GALNT1: variants seen among roughly 807,000 people sequenced by gnomAD.
The protein encoded by GALNT1 is polypeptide N-acetylgalactosaminyltransferase 1.
In GALNT1, 17 loss-of-function variants were observed where a neutral mutation model predicts 65.7. That is an observed-to-expected ratio of 0.26 (90% CI 0.18 to 0.39). The LOEUF is 0.39. Ranked by LOEUF, GALNT1 falls within the 10% of genes least tolerant of loss-of-function variation. The probability of loss-of-function intolerance (pLI) is 1.00; values close to 1 mark genes in which losing one functional copy is unlikely to be tolerated. For synonymous variants in GALNT1, 210 were observed against 219.7 expected, an observed-to-expected ratio of 0.96 and a Z score of 0.39; for missense variants, 460 against 672.8, an observed-to-expected ratio of 0.68 and a Z score of 3.50.
chr18:35,674,789 C>G (rs888948417), intron 3 of GALNT1, among the ~76,000 whole-genome samples: 8 of 151,984 alleles, frequency 5.3e-5, no homozygotes, highest in African/African-American at 1.9e-4. Context: ...TGAGACCGTC[C>G]TGGCTAACAC....
At chr18:35,601,003 T>A (rs2046574861) in intron 1 of GALNT1, among the ~76,000 whole-genome samples, 1 of 152,166 alleles carries the variant, frequency 6.6e-6, no homozygotes, top group African/African-American at 2.4e-5. Context: ...TTTGGAATAA[T>A]TTGAGTAGAA....
At chr18:35,664,717 G>A (rs1338926336) in intron 3 of GALNT1, among the ~76,000 whole-genome samples, 1 of 152,206 alleles carries the variant, frequency 6.6e-6, no homozygotes, top group African/African-American at 2.4e-5. Flanking sequence ...CAAGGTACTA[G>A]AGTACCATAG....
At chr18:35,663,604 A>G (rs769489468) in intron 2 of GALNT1, 24 bp from the exon 3 acceptor site, 2 of 1,580,546 alleles carry the variant, frequency 1.3e-6, no homozygotes, top group East Asian at 2.2e-5. Flanking sequence ...AATTAATGTT[A>G]GTTAAGTTTC....
In GALNT1 at chr18:35,683,684, A is replaced by AAAT. The variant is rs565331496; in HGVS notation, c.689+88_689+90dup. Reference sequence around the variant, plus strand: ...TTGCCAAATTCTATATTTTTTAAATAAATATAAAAGTAATTTCCTCCCAAG... The same window carrying AAAT: ...TTGCCAAATTCTATATTTTTTAAATAAATAATATAAAAGTAATTTCCTCCCAAG... On this transcript the variant is annotated intron_variant, in intron 5 of 11. Coordinates refer to ENST00000269195, the MANE Select transcript of GALNT1 (RefSeq NM_020474.4). 8.4e-4 allele frequency: 890 copies of AAAT among 1,062,538 alleles called. 3 individuals are homozygous for AAAT. The African/African-American group carries it at 0.012, about 14-fold the overall frequency. 65.8% of individuals were successfully genotyped at this position (1,062,538 alleles called of 1,614,324 possible).
chr18:35,647,413 G>C (rs768812983), intron 1 of GALNT1, among the ~76,000 whole-genome samples: 4 of 151,780 alleles, frequency 2.6e-5, no homozygotes, highest in Non-Finnish European at 5.9e-5. Flanking sequence ...TACATTTACT[G>C]TTTGGGTGAC....
chr18:35,636,405 A>G (rs1028605755), intron 1 of GALNT1, among the ~76,000 whole-genome samples: 1 of 152,192 alleles, frequency 6.6e-6, no homozygotes, highest in Non-Finnish European at 1.5e-5. Context: ...AGAGGGTTTT[A>G]GGTCAAAGAG....
chr18:35,624,857 C>T (rs1237604573), intron 1 of GALNT1, among the ~76,000 whole-genome samples: 2 of 152,092 alleles, frequency 1.3e-5, no homozygotes, highest in Non-Finnish European at 2.9e-5. Flanking sequence ...CGTTTTCTGG[C>T]ATTTTTATTT....
intron 1 of GALNT1, among the ~76,000 whole-genome samples, chr18:35,610,723 AAAAATAATTTATTTAAAAT>A (rs2046706412): frequency 6.6e-6 from 1 of 152,216 alleles, no homozygotes; most frequent in South Asian, 2.1e-4. Context: ...CTAGACATTT[AAAAATAATTTATTTAAAAT>A]AATAGACTTG....
rs778422791 is a variant in GALNT1, at chr18:35,698,396, G to C, written c.1300-4501G>C. On this transcript the variant is annotated intron_variant, in intron 9 of 11. Coordinates refer to ENST00000269195, the MANE Select transcript of GALNT1 (RefSeq NM_020474.4). ...AGGCGCGAGAATTGCTTGAACCTTG[G>C]GGGTAGAGGTTGCAGTGAGCCAAGA... Among the ~76,000 whole-genome samples, 4 of 152,070 alleles carry C rather than the reference G, an allele frequency of 2.6e-5. No individual in the cohort carries two copies. In the East Asian group the frequency reaches 5.8e-4, roughly 22 times the overall value.
intron 1 of GALNT1, among the ~76,000 whole-genome samples, chr18:35,622,336 C>A (rs141236313): frequency 6.6e-6 from 1 of 152,108 alleles, no homozygotes; most frequent in East Asian, 1.9e-4. Context: ...ACTGCAGCTT[C>A]GACTTCCCAG....
chr18:35,591,662 G>A (rs1456638153), intron 1 of GALNT1: 1 of 154,368 alleles, frequency 6.5e-6, no homozygotes, highest in African/African-American at 2.4e-5. Context: ...GATGTTCTTT[G>A]GAATGCAGGA....
In GALNT1 at chr18:35,581,851, G is replaced by GCA. The variant is rs2046323675; in HGVS notation, c.-114_-113insAC. ...GGACGCCTGCCGCCGCCGCCGCCGC[G>GCA]CGCCTAGCGAGGTGAGTGTATCGCC... On this transcript the variant is annotated 5_prime_UTR_variant, in exon 1 of 12. Transcript: ENST00000269195. 1.4e-5 allele frequency: 1 copy of GCA among 72,062 alleles called. No individual in the cohort carries two copies. The highest frequency in any genetic ancestry group is 2.8e-5 in the Non-Finnish European group (1 of 35,750). The allele number at this position is 72,062 out of a possible 1,614,324, so 4.5% of individuals were successfully genotyped here.
rs1236312648 is a variant in GALNT1 at position 35,614,063 on chromosome 18, T to TA, written c.-104+32203dup. ...AAAACACTTTATATAAACCATGAGT[T>TA]AATCAGCAGAGCAAGGAGACCGTGT... is the stretch of plus-strand genomic sequence containing the variant. On this transcript the variant is annotated intron_variant, in intron 1 of 11. Transcript: ENST00000269195. 7.9e-5 allele frequency among the ~76,000 whole-genome samples: 12 copies of TA among 152,342 alleles called. No individual in the cohort carries two copies. In the East Asian group the frequency reaches 2.3e-3, roughly 29 times the overall value.
chr18:35,622,730 G>C (rs556604727), intron 1 of GALNT1, among the ~76,000 whole-genome samples: 1 of 146,860 alleles, frequency 6.8e-6, no homozygotes, highest in Non-Finnish European at 1.5e-5. Context: ...TTTCCTTCTT[G>C]TTGTACTGCG....
Position 35,709,731 on chromosome 18 carries a change from G to A in GALNT1, c.1641G>A (p.Gln547=). 1 of 1,614,118 alleles carries A rather than the reference G, an allele frequency of 6.2e-7. No individual in the cohort carries two copies. The highest frequency in any genetic ancestry group is 8.5e-7 in the Non-Finnish European group (1 of 1,180,012). The part of the protein sequence containing the change: ...IRDCNGSRSQ[Q]WLLRNVTLPE... ...ACTGCAATGGAAGTCGGTCCCAGCA[G>A]TGGCTTCTTCGAAACGTCACCCTGC... Residue 547 remains glutamine, a synonymous_variant, in exon 12 of 12, where the codon CAG becomes CAA. Transcript: ENST00000269195.
chr18:35,687,518 T>G (rs1771915218), intron 6 of GALNT1, among the ~76,000 whole-genome samples: 1 of 152,204 alleles, frequency 6.6e-6, no homozygotes, highest in African/African-American at 2.4e-5. Context: ...CTTAATTAAT[T>G]GTGTCAGTAT....
At chr18:35,612,449 C>T (rs1477401777) in intron 1 of GALNT1, among the ~76,000 whole-genome samples, 1 of 152,186 alleles carries the variant, frequency 6.6e-6, no homozygotes, top group Non-Finnish European at 1.5e-5. Context: ...CACTCTAAGC[C>T]TATCGTGTTT....
At chr18:35,674,613 T>A (rs1220670021) in intron 3 of GALNT1, among the ~76,000 whole-genome samples, 1 of 152,202 alleles carries the variant, frequency 6.6e-6, no homozygotes, top group Non-Finnish European at 1.5e-5. Context: ...ATGTATATAT[T>A]TCAATAGAAA....
At chr18:35,591,138 A>T (rs2046438837) in intron 1 of GALNT1, among the ~76,000 whole-genome samples, 1 of 152,188 alleles carries the variant, frequency 6.6e-6, no homozygotes, top group South Asian at 2.1e-4. Context: ...CAGGGCTGGA[A>T]ATCCTTTGAT....
Sources: allele counts gnomAD v4.1 joint callset (sites outside exome capture counted in the v4.1 genomes callset), GRCh38; gene constraint gnomAD v4.1.1; transcripts MANE v1.5; gene names NCBI Gene and HGNC (gene_info 2026-07-23, HGNC 2026-07-21).